Variants in ARID5B observed in about 807,000 individuals in gnomAD.
ARID5B encodes AT-rich interaction domain 5B, also known as AT-rich interactive domain-containing protein 5B.
Under a neutral mutation model 97.2 loss-of-function variants are expected in ARID5B, and 13 were observed. That is an observed-to-expected ratio of 0.13 (90% CI 0.09 to 0.21). The LOEUF (loss-of-function observed/expected upper bound fraction) is 0.21. ARID5B is among the 10% of genes least tolerant of loss of function. The pLI is 1.00. For synonymous variants in ARID5B, 556 were observed against 570.3 expected (o/e 0.97, Z 0.36); for missense variants, 1,210 against 1,465.3 (o/e 0.83, Z 2.84).
rs1840462439 is a variant in ARID5B at position 62,095,869 on chromosome 10, G to A, written c.*2839G>A. On this transcript the variant is annotated 3_prime_UTR_variant, in exon 10 of 10. Coordinates refer to ENST00000279873, the MANE Select transcript of ARID5B (RefSeq NM_032199.3). ...GTTCTGTAAAGGAAACTGTGGAATC[G>A]AATTGGCAGTGGAGTCATAAATCTA... The A allele has an allele frequency of 8.7e-6, 2 of 230,476 alleles. No individual in the cohort carries two copies. Among genetic ancestry groups the A allele is most frequent in the African/African-American group, 2.2e-5 (1 of 45,160 alleles). The allele number at this position is 230,476 out of a possible 1,614,324, so 14.3% of individuals were successfully genotyped here.
intron 3 of ARID5B, among the ~76,000 whole-genome samples, chr10:61,942,655 G>T (rs1844430973): frequency 1.3e-5 from 2 of 152,130 alleles, no homozygotes; most frequent in Admixed American, 1.3e-4. Flanking sequence ...AGTCACGTGT[G>T]GTGGCAGGGG....
At chr10:61,926,033 C>A (rs548257207) in intron 2 of ARID5B, among the ~76,000 whole-genome samples, 2 of 152,052 alleles carry the variant, frequency 1.3e-5, no homozygotes, top group Non-Finnish European at 2.9e-5. Context: ...AAATTAGAAC[C>A]CAATACACTA....
chr10:62,008,951 T>C (rs1839182047), intron 4 of ARID5B, among the ~76,000 whole-genome samples: 1 of 152,220 alleles, frequency 6.6e-6, no homozygotes, highest in Non-Finnish European at 1.5e-5. Flanking sequence ...AGGTCTAATT[T>C]CAAAAAAATG....
intron 2 of ARID5B, among the ~76,000 whole-genome samples, chr10:61,920,749 T>A (rs777090562): frequency 9.9e-5 from 15 of 152,222 alleles, no homozygotes; most frequent in Non-Finnish European, 1.5e-4. Context: ...TAACCTTTTA[T>A]TCAATTAAAT....
Position 61,947,215 on chromosome 10 carries a change from A to C in ARID5B, c.502+6807A>C, listed in dbSNP as rs186337014. On this transcript the variant is annotated intron_variant, in intron 3 of 9. Transcript: ENST00000279873. ...ACAAGAATCTGCATCCAAGATATTC[A>C]GAGTTTTAGAACAGCTTATTACCAG... Among the ~76,000 whole-genome samples, 353 of 150,792 alleles carry C rather than the reference A, an allele frequency of 2.3e-3. 1 individual carries two copies. Among genetic ancestry groups the C allele is most frequent in the Non-Finnish European group, 3.2e-3 (220 of 67,778 alleles).
At chr10:61,940,888 T>C (rs986862979) in intron 3 of ARID5B, among the ~76,000 whole-genome samples, 9 of 124,372 alleles carry the variant, frequency 7.2e-5, no homozygotes, top group African/African-American at 2.7e-4. Context: ...TGGCATAGGT[T>C]TGCTTGATCT....
chr10:61,992,740 C>T (rs931743414), intron 3 of ARID5B, among the ~76,000 whole-genome samples: 2 of 152,106 alleles, frequency 1.3e-5, no homozygotes, highest in Non-Finnish European at 2.9e-5. Context: ...AGCCAATCTC[C>T]TTGTTCTGTT....
At chr10:61,968,376 A>G (rs1268932211) in intron 3 of ARID5B, among the ~76,000 whole-genome samples, 2 of 151,920 alleles carry the variant, frequency 1.3e-5, no homozygotes, top group Non-Finnish European at 2.9e-5. Context: ...TAACATACAC[A>G]TAATCGTTTT....
At chr10:62,036,024 T>C (rs1839559159) in intron 4 of ARID5B, among the ~76,000 whole-genome samples, 1 of 151,300 alleles carries the variant, frequency 6.6e-6, no homozygotes, top group Non-Finnish European at 1.5e-5. Flanking sequence ...GCGGTTTCAC[T>C]GTGTTGGCCA....
intron 3 of ARID5B, among the ~76,000 whole-genome samples, chr10:61,997,393 A>T (rs1049693288): frequency 6.6e-6 from 1 of 152,114 alleles, no homozygotes; most frequent in African/African-American, 2.4e-5. Context: ...TTAGAGAAAA[A>T]AAAAAGGAGA....
At chr10:61,921,316 G>A (rs1010308061) in intron 2 of ARID5B, among the ~76,000 whole-genome samples, 7 of 152,216 alleles carry the variant, frequency 4.6e-5, no homozygotes, top group African/African-American at 1.7e-4. Context: ...TCCAGTCAAG[G>A]TGTCCTCCCC....
chr10:62,037,516 G>A (rs1839581509), intron 4 of ARID5B, among the ~76,000 whole-genome samples: 2 of 152,198 alleles, frequency 1.3e-5, no homozygotes, highest in Non-Finnish European at 2.9e-5. Flanking sequence ...CGTACACAAA[G>A]ATTGGCATTG....
At chr10:61,955,328 A>T (rs1380940338) in intron 3 of ARID5B, among the ~76,000 whole-genome samples, 3 of 152,198 alleles carry the variant, frequency 2.0e-5, no homozygotes, top group African/African-American at 7.2e-5. Flanking sequence ...AGTGTTTATT[A>T]ATACATACAT....
At chr10:61,973,866 G>A (rs975177763) in intron 3 of ARID5B, among the ~76,000 whole-genome samples, 19 of 152,198 alleles carry the variant, frequency 1.2e-4, no homozygotes, top group African/African-American at 4.6e-4. Context: ...GATGTAAGAT[G>A]CTTTTACAGT....
intron 2 of ARID5B, among the ~76,000 whole-genome samples, chr10:61,905,315 G>A (rs1843691068): frequency 6.6e-6 from 1 of 152,072 alleles, no homozygotes; most frequent in African/African-American, 2.4e-5. Context: ...GCTTTTTTTG[G>A]TTTAAGAGAA....
At chr10:61,902,112 C>T in intron 1 of ARID5B, 47 bp from the exon 2 acceptor site, 1 of 1,605,088 alleles carries the variant, frequency 6.2e-7, no homozygotes, top group Non-Finnish European at 8.5e-7. Context: ...GATGTTTGTG[C>T]TCTGATGGCT....
At chr10:61,987,945 GA>G (rs1320741559) in intron 3 of ARID5B, among the ~76,000 whole-genome samples, 2 of 152,214 alleles carry the variant, frequency 1.3e-5, no homozygotes, top group African/African-American at 4.8e-5. Flanking sequence ...AGAGATTGGG[GA>G]AAAGGGGATA....
intron 2 of ARID5B, among the ~76,000 whole-genome samples, chr10:61,916,706 T>A (rs1174522060): frequency 6.6e-6 from 1 of 152,174 alleles, no homozygotes; most frequent in East Asian, 1.9e-4. Flanking sequence ...TGTGCTGTCC[T>A]GTTTACAAGT....
intron 3 of ARID5B, among the ~76,000 whole-genome samples, chr10:61,984,441 T>C (rs1158291637): frequency 6.6e-6 from 1 of 152,244 alleles, no homozygotes; most frequent in Non-Finnish European, 1.5e-5. Flanking sequence ...TCCTGGGATC[T>C]TGCCCTCAGA....
Sources: gnomAD v4.1 joint callset for allele counts (sites outside exome capture counted in the v4.1 genomes callset) on GRCh38, gnomAD v4.1.1 for gene constraint, MANE v1.5 for transcripts, NCBI Gene and HGNC (gene_info 2026-07-23, HGNC 2026-07-21) for gene names.